Variants in HOXC4 observed in about 807,000 individuals in gnomAD.
HOXC4 encodes the protein homeobox protein Hox-C4.
A neutral mutation model predicts 25.5 loss-of-function variants in HOXC4; 15 were observed. The ratio of observed to expected loss-of-function variants is 0.59; its 90% CI spans 0.39 to 0.91. HOXC4 has a LOEUF of 0.91. Among genes scored for constraint, HOXC4 ranks in the 40% least tolerant of loss-of-function variants. The pLI, the probability that HOXC4 is intolerant of heterozygous loss-of-function variation, is 0.00. For missense variants in HOXC4, 342 were observed against 352.4 expected (o/e 0.97, Z 0.24); for synonymous variants, 165 against 148.0 (o/e 1.11, Z -0.83).
At chr12:54,052,085 G>A (rs1033807909), upstream of HOXC4, among the ~76,000 whole-genome samples, 2 of 152,190 alleles carry the variant, frequency 1.3e-5, no homozygotes, top group Non-Finnish European at 2.9e-5. Flanking sequence ...TGGGCTGGGA[G>A]GAGGTAGCGT....
At chr12:54,031,880 C>G (rs1336212645) in intron 1 of HOXC4, among the ~76,000 whole-genome samples, 3 of 152,188 alleles carry the variant, frequency 2.0e-5, no homozygotes. Context: ...CAGGTCCGCC[C>G]CATTCCTCTT....
intron 1 of HOXC4, chr12:54,033,937 A>G: frequency 5.3e-6 from 2 of 378,250 alleles, no homozygotes; most frequent in Non-Finnish European, 5.3e-6. Flanking sequence ...GCGGCTCCGG[A>G]GGATTCCAGC....
At chr12:54,052,246 G>A (rs888672621), upstream of HOXC4, among the ~76,000 whole-genome samples, 1 of 152,218 alleles carries the variant, frequency 6.6e-6, no homozygotes, top group Non-Finnish European at 1.5e-5. Flanking sequence ...GACACAAAGA[G>A]TGCGGGCGAT....
chr12:54,025,540 G>GC (rs1444353327), intron 1 of HOXC4, among the ~76,000 whole-genome samples: 17 of 17,458 alleles, frequency 9.7e-4, no homozygotes, highest in Admixed American at 1.4e-3. Context: ...GGGGGGGGGA[G>GC]GTGTTGAAAA....
intron 1 of HOXC4, 96 bp downstream of exon 1, chr12:54,054,457 T>G: frequency 1.5e-5 from 10 of 672,140 alleles, no homozygotes; most frequent in South Asian, 2.0e-5. Context: ...CTCCTTTCTC[T>G]CCTTCCCCCT....
intron 1 of HOXC4, chr12:54,033,357 G>A: frequency 1.2e-6 from 2 of 1,612,762 alleles, no homozygotes; most frequent in South Asian, 1.1e-5. Flanking sequence ...CTGCAGCGCC[G>A]CGGCCGCTCC....
Position 54,054,287 on chromosome 12 carries a change from C to T in HOXC4, c.365C>T (p.Pro122Leu). The change falls in exon 1 of 2, where the codon CCC becomes CTC. Residue 122 changes from proline (P) to leucine (L), a missense_variant. Physicochemically the swap from Pro to Leu is moderately conservative, Grantham distance 98. Coordinates refer to ENST00000430889, the MANE Select transcript of HOXC4 (RefSeq NM_153633.3). Reference sequence around the variant, plus strand: ...CCGCCAGCCTGCAGCCAGCCAGCCCCCGACCATCCCTCCAGCGCCGCCAGC... The same window carrying T: ...CCGCCAGCCTGCAGCCAGCCAGCCCTCGACCATCCCTCCAGCGCCGCCAGC... ...PAPPACSQPA[P>L]DHPSSAASKQ... is the part of the protein sequence containing the mutation. 2 of 1,608,840 alleles carry T rather than the reference C, an allele frequency of 1.2e-6. No individual in the cohort carries two copies. Among genetic ancestry groups the T allele is most frequent in the Non-Finnish European group, 1.7e-6 (2 of 1,177,358 alleles).
chr12:54,048,145 G>A (rs1259733083), intron 1 of HOXC4, among the ~76,000 whole-genome samples: 2 of 152,090 alleles, frequency 1.3e-5, no homozygotes, highest in East Asian at 3.9e-4. Context: ...GAGCAAACTG[G>A]ACCCCTTTGG....
chr12:54,029,672 G>C, intron 1 of HOXC4: 11 of 1,613,598 alleles, frequency 6.8e-6, no homozygotes, highest in Non-Finnish European at 8.5e-6. Flanking sequence ...CTACGGAGCG[G>C]ACCGGAGGCG....
At chr12:54,032,458 C>T (rs771744528) in intron 1 of HOXC4, among the ~76,000 whole-genome samples, 46 of 152,344 alleles carry the variant, frequency 3.0e-4, no homozygotes, top group Non-Finnish European at 2.4e-4. Context: ...CTAAGTTAAA[C>T]CCCATTGGTT....
intron 1 of HOXC4, among the ~76,000 whole-genome samples, chr12:54,026,964 TG>T (rs71068201): frequency 0.21 from 26,782 of 127,078 alleles, 2,511 homozygotes; most frequent in African/African-American, 0.24. Flanking sequence ...CCAAAAATGG[TG>T]GGGGGGGGGG....
intron 1 of HOXC4, among the ~76,000 whole-genome samples, chr12:54,025,135 C>T (rs923590122): frequency 2.0e-5 from 3 of 152,206 alleles, no homozygotes; most frequent in Admixed American, 1.3e-4. Flanking sequence ...TCTTTAGGCT[C>T]GTTTTATAGA....
At chr12:54,041,571 A>G (rs1462214038) in intron 1 of HOXC4, among the ~76,000 whole-genome samples, 1 of 152,232 alleles carries the variant, frequency 6.6e-6, no homozygotes, top group Non-Finnish European at 1.5e-5. Flanking sequence ...TTTGGGGACA[A>G]TGCCACAGGC....
At chr12:54,044,081 A>G (rs1388920749) in intron 1 of HOXC4, among the ~76,000 whole-genome samples, 1 of 151,728 alleles carries the variant, frequency 6.6e-6, no homozygotes, top group Non-Finnish European at 1.5e-5. Flanking sequence ...TCCTGTTGGG[A>G]GTAAAGACAG....
At chr12:54,028,246 C>CAT (rs147627891) in intron 1 of HOXC4, 17,723 of 148,930 alleles carry the variant, frequency 0.12, 1,068 homozygotes, top group Non-Finnish European at 0.14. Flanking sequence ...AGTTCCCTTA[C>CAT]ATATATATAT....
At chr12:54,034,219 C>T (rs1000873736) in intron 1 of HOXC4, 3 of 1,467,828 alleles carry the variant, frequency 2.0e-6, no homozygotes, top group Admixed American at 3.3e-5. Flanking sequence ...GGGGTGGGGA[C>T]GGGGGAACGC....
intron 1 of HOXC4, chr12:54,022,441 C>T (rs1165638979): frequency 2.6e-5 from 4 of 152,070 alleles, no homozygotes; most frequent in Admixed American, 6.6e-5. Context: ...TTGCTGCTAG[C>T]TATTAAATTT....
At chr12:54,017,685 A>C (rs1186780401) in intron 1 of HOXC4, among the ~76,000 whole-genome samples, 4 of 152,064 alleles carry the variant, frequency 2.6e-5, no homozygotes, top group Non-Finnish European at 5.9e-5. Flanking sequence ...TGTGGGGCTC[A>C]AGCCGGCGGT....
chr12:54,052,970 C>T (rs887137001), upstream of HOXC4, among the ~76,000 whole-genome samples: 1 of 152,186 alleles, frequency 6.6e-6, no homozygotes. Flanking sequence ...GAAAGCTCTC[C>T]TCCTTGCCCC....
Sources: gnomAD v4.1 joint callset for allele counts (sites outside exome capture counted in the v4.1 genomes callset) on GRCh38, gnomAD v4.1.1 for gene constraint, MANE v1.5 for transcripts, NCBI Gene and HGNC (gene_info 2026-07-23, HGNC 2026-07-21) for gene names.